The following KIAA1671 variants were observed in gnomAD, a reference collection of about 807,000 sequenced individuals.
KIAA1671 encodes the protein KIAA1671, also known as uncharacterized protein KIAA1671.
Under a neutral mutation model 131.2 loss-of-function variants are expected in KIAA1671, and 52 were observed. That is an observed-to-expected ratio of 0.40 (90% CI 0.32 to 0.50). The LOEUF (loss-of-function observed/expected upper bound fraction) is 0.50. KIAA1671 is among the 20% of genes least tolerant of loss of function. The pLI is 0.73. For missense variants in KIAA1671, 2,360 were observed against 2,364.2 expected (o/e 1.00, Z 0.04); for synonymous variants, 1,003 against 961.6 (o/e 1.04, Z -0.80).
intron 3 of KIAA1671, 123 bp downstream of exon 3, chr22:25,029,663 G>GGTA (rs1926167860): frequency 1.4e-6 from 1 of 703,890 alleles, no homozygotes; most frequent in Non-Finnish European, 2.3e-6. Context: ...CCCAAGAGGA[G>GGTA]GTAGTGGCAG....
intron 1 of KIAA1671, among the ~76,000 whole-genome samples, chr22:25,002,439 G>A (rs1320324622): frequency 1.3e-5 from 2 of 152,168 alleles, no homozygotes; most frequent in African/African-American, 4.8e-5. Flanking sequence ...TTCCTCCCCA[G>A]AGGAAGGAGG....
Position 25,029,423 on chromosome 22 carries a change from G to A in KIAA1671, c.1424G>A (p.Gly475Glu). The A allele has an allele frequency of 6.4e-7, 1 of 1,551,462 alleles. No homozygotes were observed. Among genetic ancestry groups the A allele is most frequent in the Non-Finnish European group, 8.7e-7 (1 of 1,146,862 alleles). Residue 475 changes from glycine to glutamate, a missense_variant, in exon 3 of 13, where the codon GGG becomes GAG. By Grantham distance (98) the Gly-to-Glu change is moderately conservative. Around this residue, in one of 3 missense-constraint regions of KIAA1671, gnomAD observed 1,185 missense variants for 1,126.2 expected, o/e 1.05. Transcript: ENST00000358431. ...TCGGCGGCACCAGAGCCGGAGAAAGGGGTTGTGAGCGTTCAGGAACGGATC... is the reference window on the plus strand; with the variant it reads ...TCGGCGGCACCAGAGCCGGAGAAAGAGGTTGTGAGCGTTCAGGAACGGATC... ...SPSAAPEPEK[G>E]VVSVQERIRG...
intron 6 of KIAA1671, chr22:25,070,423 G>A: frequency 2.1e-6 from 1 of 483,542 alleles, no homozygotes; most frequent in Non-Finnish European, 3.8e-6. Flanking sequence ...CTGGGTGAGT[G>A]GCGGGGGGCA....
chr22:25,006,865 C>CAGAG, intron 1 of KIAA1671, among the ~76,000 whole-genome samples: 1 of 152,286 alleles, frequency 6.6e-6, no homozygotes, highest in East Asian at 1.9e-4. Context: ...ACATTGGGCT[C>CAGAG]AGAGAATCCA....
intron 1 of KIAA1671, among the ~76,000 whole-genome samples, chr22:24,981,272 C>G (rs953909661): frequency 1.3e-5 from 2 of 152,152 alleles, no homozygotes; most frequent in Non-Finnish European, 1.5e-5. Flanking sequence ...TTCTCCCTCA[C>G]TGGACTGTGA....
rs1934819540 is a variant in KIAA1671 at position 25,196,152 on chromosome 22, G to A, written c.*3751G>A. 2 of 152,168 alleles carry A rather than the reference G, an allele frequency of 1.3e-5. No individual in the cohort carries two copies. Among genetic ancestry groups the A allele is most frequent in the Admixed American group, 1.3e-4 (2 of 15,282 alleles). The allele number at this position is 152,168 out of a possible 1,614,324, so 9.4% of individuals were successfully genotyped here. A position where few individuals can be genotyped will look rare whatever the true frequency, so the allele number is the denominator to read the frequency against. The stretch of plus-strand genomic sequence containing the variant: ...GTCTCCTTTTGCACCCCCCAATCCA[G>A]AGTTTGCTTTCTTTTGACTAAATTG... On this transcript the variant is annotated 3_prime_UTR_variant, in exon 13 of 13. Coordinates refer to ENST00000358431, the MANE Select transcript of KIAA1671 (RefSeq NM_001145206.2).
At chr22:25,078,915 C>T (rs1401369367) in intron 6 of KIAA1671, among the ~76,000 whole-genome samples, 5 of 152,176 alleles carry the variant, frequency 3.3e-5, no homozygotes, top group African/African-American at 1.2e-4. Context: ...CTCCTGGCTT[C>T]TATTCCCTAC....
At chr22:25,139,431 C>T (rs1400673038) in intron 6 of KIAA1671, among the ~76,000 whole-genome samples, 5 of 152,218 alleles carry the variant, frequency 3.3e-5, no homozygotes, top group South Asian at 2.1e-4. Flanking sequence ...GATTTTGCCA[C>T]CTACTTGCTG....
In KIAA1671 at chr22:25,125,773, C is replaced by A. The variant is rs73401835; in HGVS notation, c.4531-45047C>A. Among the ~76,000 whole-genome samples the A allele has an allele frequency of 1.3e-3, 192 of 152,306 alleles. 1 individual carries two copies. Among genetic ancestry groups the A allele is most frequent in the African/African-American group, 4.5e-3 (187 of 41,556 alleles). On this transcript the variant is annotated intron_variant, in intron 6 of 12. Coordinates refer to ENST00000358431, the MANE Select transcript of KIAA1671 (RefSeq NM_001145206.2). ...CTGGTTGAGAACCACTGATGTAGAT[C>A]GTAAGAGCTCATCCTGGGATGTGAG... is the stretch of plus-strand genomic sequence containing the variant.
chr22:25,125,808 C>A lies in KIAA1671; in HGVS notation c.4531-45012C>A, dbSNP rs890323674. Among the ~76,000 whole-genome samples the A allele has an allele frequency of 2.0e-5, 3 of 152,232 alleles. No individual in the cohort carries two copies. In the South Asian group the frequency reaches 6.2e-4, roughly 32 times the overall value. On this transcript the variant is annotated intron_variant, in intron 6 of 12. Coordinates refer to ENST00000358431, the MANE Select transcript of KIAA1671 (RefSeq NM_001145206.2). ...CATCCTGGGATGTGAGTTCACACCC[C>A]TGCCAGTCCTTAAGTAACCATGTGG...
intron 1 of KIAA1671, among the ~76,000 whole-genome samples, chr22:25,005,824 C>A (rs1387508439): frequency 6.6e-6 from 1 of 152,124 alleles, no homozygotes; most frequent in Non-Finnish European, 1.5e-5. Flanking sequence ...GCTAGAAGAT[C>A]TAAGTTTTGT....
rs555625787 is a variant in KIAA1671 at position 25,184,191 on chromosome 22, G to A, written c.5200-786G>A. ...TGGAGTTGGGCTGCGGGCAGACCCG[G>A]TGTGAATCCCAGTTCATAAAAGCTG... On this transcript the variant is annotated intron_variant, in intron 10 of 12. Coordinates refer to ENST00000358431, the MANE Select transcript of KIAA1671 (RefSeq NM_001145206.2). Among the ~76,000 whole-genome samples, 7 of 152,382 alleles carry A rather than the reference G, an allele frequency of 4.6e-5. No individual in the cohort carries two copies. In the East Asian group the frequency reaches 1.2e-3, roughly 25 times the overall value.
chr22:24,964,364 A>G (rs1260229212), intron 1 of KIAA1671, among the ~76,000 whole-genome samples: 2 of 152,096 alleles, frequency 1.3e-5, no homozygotes, highest in African/African-American at 4.8e-5. Flanking sequence ...ACAAAAAACA[A>G]AAATAACAAG....
chr22:25,121,393 C>T (rs917884852), intron 6 of KIAA1671, among the ~76,000 whole-genome samples: 3 of 148,846 alleles, frequency 2.0e-5, no homozygotes, highest in African/African-American at 2.5e-5. Context: ...ACCTGGGGGG[C>T]GGAGCCTGCA....
chr22:25,084,603 G>A (rs938142391), intron 6 of KIAA1671, among the ~76,000 whole-genome samples: 3 of 152,110 alleles, frequency 2.0e-5, no homozygotes, highest in Non-Finnish European at 2.9e-5. Context: ...CATAACAAAC[G>A]ACTCCAAAAC....
At chr22:25,101,529 TAA>T (rs1441594066) in intron 6 of KIAA1671, among the ~76,000 whole-genome samples, 1 of 152,216 alleles carries the variant, frequency 6.6e-6, no homozygotes, top group Non-Finnish European at 1.5e-5. Context: ...ATCCCAAGGT[TAA>T]AGACATCTTA....
At chr22:25,158,366 G>A (rs1022207872) in intron 6 of KIAA1671, among the ~76,000 whole-genome samples, 13 of 152,082 alleles carry the variant, frequency 8.5e-5, no homozygotes, top group Non-Finnish European at 1.3e-4. Context: ...ATTTGAGGGC[G>A]AACAGACCCC....
chr22:25,106,013 A>C (rs1930989680), intron 6 of KIAA1671, among the ~76,000 whole-genome samples: 1 of 152,232 alleles, frequency 6.6e-6, no homozygotes, highest in Non-Finnish European at 1.5e-5. Context: ...GGCACATAGT[A>C]AGTGCTCAGT....
chr22:25,108,109 T>C (rs998186216), intron 6 of KIAA1671, among the ~76,000 whole-genome samples: 1 of 152,242 alleles, frequency 6.6e-6, no homozygotes, highest in Non-Finnish European at 1.5e-5. Context: ...TTTAGGGTGT[T>C]AAATTTCTTC....
Sources: allele counts gnomAD v4.1 joint callset (sites outside exome capture counted in the v4.1 genomes callset), GRCh38; gene constraint gnomAD v4.1.1; regional missense constraint gnomAD v4.1.1; transcripts MANE v1.5; gene names NCBI Gene and HGNC (gene_info 2026-07-23, HGNC 2026-07-21).